Variants in NLRC5 observed in about 807,000 individuals in gnomAD.
NLRC5 encodes the protein protein NLRC5.
In NLRC5, 114 loss-of-function variants were observed where a neutral mutation model predicts 206.9. That is an observed-to-expected ratio of 0.55 (90% CI 0.47 to 0.64). The LOEUF is 0.64. NLRC5 is among the 30% of genes least tolerant of loss of function. The pLI, the probability that NLRC5 is intolerant of heterozygous loss-of-function variation, is 0.00. For synonymous variants in NLRC5, 952 were observed against 962.8 expected, an observed-to-expected ratio of 0.99 and a Z score of 0.21; for missense variants, 2,008 against 2,305.5, an observed-to-expected ratio of 0.87 and a Z score of 2.64.
intron 36 of NLRC5, 73 bp from the exon 37 acceptor site, chr16:57,069,763 T>G: frequency 8.0e-7 from 1 of 1,243,644 alleles, no homozygotes; most frequent in Non-Finnish European, 1.1e-6. Context: ...CCTTGCCCTC[T>G]GCCACCAGCA....
At chr16:57,001,565 T>C (rs913494497) in intron 1 of NLRC5, among the ~76,000 whole-genome samples, 14 of 152,190 alleles carry the variant, frequency 9.2e-5, no homozygotes, top group Admixed American at 5.2e-4. Flanking sequence ...ACCACACTAG[T>C]GGTAATCATA....
chr16:57,013,810 A>AG, intron 1 of NLRC5: 1 of 706,224 alleles, frequency 1.4e-6, no homozygotes, highest in Admixed American at 2.1e-5. Context: ...CAACTGAACT[A>AG]GCAGTATCTC....
intron 39 of NLRC5, among the ~76,000 whole-genome samples, chr16:57,076,528 ACTC>A (rs1434056368): frequency 4.6e-5 from 7 of 151,504 alleles, no homozygotes; most frequent in Non-Finnish European, 1.0e-4. Flanking sequence ...AAATGTAGAG[ACTC>A]CTCCTGGGCC....
intron 21 of NLRC5, among the ~76,000 whole-genome samples, 180 bp from the exon 22 acceptor site, chr16:57,046,372 G>A (rs2063975907): frequency 6.6e-6 from 1 of 152,174 alleles, no homozygotes; most frequent in African/African-American, 2.4e-5. Context: ...ACTGAGCTAG[G>A]ATCTAGTGAC....
chr16:57,081,249 C>A, intron 47 of NLRC5, 68 bp downstream of exon 47: 1 of 1,432,826 alleles, frequency 7.0e-7, no homozygotes, highest in Non-Finnish European at 9.5e-7. Flanking sequence ...CACCAAGAGG[C>A]CACTGGGTCA....
chr16:57,034,984 C>T (rs1215169775), intron 13 of NLRC5: 1 of 152,246 alleles, frequency 6.6e-6, no homozygotes, highest in African/African-American at 2.4e-5. Flanking sequence ...GTGGTGATCA[C>T]CTCTTGATCC....
intron 32 of NLRC5, chr16:57,062,410 A>G (rs2144705717): frequency 3.3e-6 from 1 of 307,128 alleles, no homozygotes; most frequent in South Asian, 2.8e-5. Flanking sequence ...TTTGCACGGG[A>G]TGGCGATGGT....
At chr16:57,030,490 A>AGATG (rs199777672) in intron 10 of NLRC5, among the ~76,000 whole-genome samples, 1,601 of 96,958 alleles carry the variant, frequency 0.017, 15 homozygotes, top group Non-Finnish European at 0.025. Context: ...GTGGATGAAA[A>AGATG]GATGGATGGA....
chr16:57,046,732 T>A, intron 22 of NLRC5, 91 bp downstream of exon 22: 1 of 1,052,132 alleles, frequency 9.5e-7, no homozygotes, highest in Non-Finnish European at 1.4e-6. Context: ...GGGCTGGGGA[T>A]TGGGATAGAG....
chr16:57,053,903 G>C (rs2144361088), intron 24 of NLRC5, among the ~76,000 whole-genome samples: 1 of 152,284 alleles, frequency 6.6e-6, no homozygotes, highest in South Asian at 2.1e-4. Context: ...GGAAATGAGA[G>C]TGGGAAGAGA....
rs149469935 is a variant in NLRC5, at chr16:57,060,486, G to A, written c.3986+954G>A. 2.6e-3 allele frequency among the ~76,000 whole-genome samples: 393 copies of A among 148,982 alleles called. 5 individuals are homozygous for A. The South Asian group carries it at 0.047, about 18-fold the overall frequency. On this transcript the variant is annotated intron_variant, in intron 30 of 48. Transcript: ENST00000688547. ...CACACAGCACACACAACACACAAAC[G>A]CACCACATACCATACACATACCACA...
intron 1 of NLRC5, among the ~76,000 whole-genome samples, chr16:57,006,401 C>A (rs2058904015): frequency 1.5e-5 from 2 of 129,528 alleles, no homozygotes; most frequent in South Asian, 2.6e-4. Flanking sequence ...CCATAAAGTT[C>A]ATCTTCATCC....
chr16:57,067,965 G>A (rs984068939), intron 36 of NLRC5, 137 bp downstream of exon 36: 34 of 680,380 alleles, frequency 5.0e-5, no homozygotes, highest in Middle Eastern at 3.8e-4. Flanking sequence ...GGTGGCCCTG[G>A]AGATGATTTT....
chr16:57,058,065 T>C lies in NLRC5; in HGVS notation c.3747T>C (p.Asp1249=), dbSNP rs7206703. Residue 1249 remains aspartate (D), a splice_region_variant and synonymous_variant, in exon 28 of 49, where the codon GAT becomes GAC. Coordinates refer to ENST00000688547, the MANE Select transcript of NLRC5 (RefSeq NM_001384950.1). ...CGCCACTGCTCCTTACCCCCTACAG[T>C]CTCTCAGCAAACCTGCTGGGCGACA... The part of the protein sequence containing the change: ...LSKCKDLSQV[D]LSANLLGDSG... The C allele has an allele frequency of 0.07, 112,486 of 1,610,782 alleles. 4,860 individuals are homozygous for C. The highest frequency in any genetic ancestry group is 0.16 in the African/African-American group (12,241 of 74,902).
chr16:57,017,669 G>GA, intron 2 of NLRC5, among the ~76,000 whole-genome samples: 1 of 151,826 alleles, frequency 6.6e-6, no homozygotes. Flanking sequence ...CCCTGGAGTA[G>GA]AAAAAAAGAA....
chr16:57,062,074 T>A (rs1306920995), intron 32 of NLRC5: 4 of 1,277,018 alleles, frequency 3.1e-6, no homozygotes, highest in Non-Finnish European at 4.1e-6. Flanking sequence ...AAGAATAATT[T>A]TTTAAAACTC....
At chr16:57,065,854 A>G (rs1395835747) in intron 33 of NLRC5, among the ~76,000 whole-genome samples, 1 of 152,218 alleles carries the variant, frequency 6.6e-6, no homozygotes, top group African/African-American at 2.4e-5. Context: ...CCAGCCACAC[A>G]GCCTGCCCTG....
rs2060745847 is a variant in NLRC5 at position 57,022,203 on chromosome 16, C to G, written c.296-53C>G. ...GCCAGGCGCCAGGCCAGAGCTGGTCCCCAGCATCCCTCGACAGCCCCATAC... is the reference window on the plus strand; with the variant it reads ...GCCAGGCGCCAGGCCAGAGCTGGTCGCCAGCATCCCTCGACAGCCCCATAC... On this transcript the variant is annotated intron_variant, in intron 3 of 48. Transcript: ENST00000688547. 7 of 1,522,636 alleles carry G rather than the reference C, an allele frequency of 4.6e-6. No homozygotes were observed. In the Admixed American group the frequency reaches 1.2e-4, roughly 26 times the overall value. 94.3% of individuals were successfully genotyped at this position (1,522,636 alleles called of 1,614,324 possible). A position where few individuals can be genotyped will look rare whatever the true frequency, so the allele number is the denominator to read the frequency against.
intron 1 of NLRC5, among the ~76,000 whole-genome samples, chr16:57,007,618 T>C (rs1303089326): frequency 6.6e-6 from 1 of 151,612 alleles, no homozygotes; most frequent in Non-Finnish European, 1.5e-5. Context: ...TAATCCCAGC[T>C]ATTGGGAGGC....
Sources: allele counts gnomAD v4.1 joint callset (sites outside exome capture counted in the v4.1 genomes callset), GRCh38; gene constraint gnomAD v4.1.1; transcripts MANE v1.5; gene names NCBI Gene and HGNC (gene_info 2026-07-23, HGNC 2026-07-21).